CCDC60: variants seen among roughly 807,000 people sequenced by gnomAD.
CCDC60 encodes the protein coiled-coil domain containing 60.
In CCDC60, 54 loss-of-function variants were observed where a neutral mutation model predicts 63.5. The ratio of observed to expected loss-of-function variants is 0.85; its 90% CI spans 0.68 to 1.07. The LOEUF is 1.07. Among genes scored for constraint, CCDC60 ranks in the 50% least tolerant of loss-of-function variants. CCDC60 has a pLI of 0.00. For missense variants in CCDC60, 651 were observed against 684.3 expected, an observed-to-expected ratio of 0.95 and a Z score of 0.54; for synonymous variants, 206 against 238.8, an observed-to-expected ratio of 0.86 and a Z score of 1.27.
intron 1 of CCDC60, among the ~76,000 whole-genome samples, chr12:119,409,598 A>T (rs1956556494): frequency 6.6e-6 from 1 of 152,212 alleles, no homozygotes; most frequent in Admixed American, 6.5e-5. Context: ...ATGCAAAAAG[A>T]TAAATGATTT....
At chr12:119,469,304 T>G (rs1951011744) in intron 2 of CCDC60, among the ~76,000 whole-genome samples, 1 of 152,188 alleles carries the variant, frequency 6.6e-6, no homozygotes, top group Non-Finnish European at 1.5e-5. Flanking sequence ...TGGAGTGCAG[T>G]GGCGTGATCT....
chr12:119,490,470 C>T (rs1232404404), intron 5 of CCDC60, among the ~76,000 whole-genome samples: 1 of 152,136 alleles, frequency 6.6e-6, no homozygotes, highest in Non-Finnish European at 1.5e-5. Context: ...TACTTCTATC[C>T]CCATCACGGC....
chr12:119,509,119 C>G (rs1952138331), intron 7 of CCDC60, among the ~76,000 whole-genome samples: 1 of 152,118 alleles, frequency 6.6e-6, no homozygotes, highest in African/African-American at 2.4e-5. Context: ...GTGCTGTCTC[C>G]TAAAACTCCC....
At position 119,520,178 on chromosome 12, in the gene CCDC60, C is replaced by A. The variant is rs1301678060; in HGVS notation, c.1026C>A (p.Thr342=). 2 of 1,613,398 alleles carry A rather than the reference C, an allele frequency of 1.2e-6. No individual in the cohort carries two copies. The highest frequency in any genetic ancestry group is 8.5e-7 in the Non-Finnish European group (1 of 1,179,762). The change falls in exon 9 of 14, where the codon ACC becomes ACA. Residue 342 remains threonine, a synonymous_variant. Transcript: ENST00000327554. The part of the protein sequence containing the change: ...KSNSAYKEMQ[T]TLKSSERSSS... ...ATTCTGCTTATAAGGAAATGCAGAC[C>A]ACTCTCAAATCAAGGTAGGAAAGCC... is the stretch of plus-strand genomic sequence containing the variant.
chr12:119,401,411 G>A (rs762106587), intron 1 of CCDC60, among the ~76,000 whole-genome samples: 28 of 152,308 alleles, frequency 1.8e-4, no homozygotes, highest in East Asian at 3.9e-4. Context: ...CACTTGCTGC[G>A]TATCAAATCC....
chr12:119,475,811 G>A (rs967539955), intron 3 of CCDC60, among the ~76,000 whole-genome samples: 8 of 152,160 alleles, frequency 5.3e-5, no homozygotes, highest in African/African-American at 7.2e-5. Flanking sequence ...TAGAGTCTAC[G>A]TATAAGACAT....
At chr12:119,415,173 G>C (rs1450201555) in intron 1 of CCDC60, among the ~76,000 whole-genome samples, 1 of 152,196 alleles carries the variant, frequency 6.6e-6, no homozygotes, top group African/African-American at 2.4e-5. Context: ...TCTCTCCAGA[G>C]TTGTGCAGCG....
rs886727996 is a variant in CCDC60, at chr12:119,400,265, G to A, written c.91-28418G>A. 1.7e-4 allele frequency among the ~76,000 whole-genome samples: 26 copies of A among 152,274 alleles called. 1 individual carries two copies. The Middle Eastern group carries it at 0.01, about 60-fold the overall frequency. On this transcript the variant is annotated intron_variant, in intron 1 of 13. Coordinates refer to ENST00000327554, the MANE Select transcript of CCDC60 (RefSeq NM_178499.5). ...GGGGTTTCACCGTATTAGCCAGGAT[G>A]GTCTCGATCTCCTGACCTCGTGATC...
chr12:119,481,085 CCAT>C (rs1245904259), intron 4 of CCDC60, among the ~76,000 whole-genome samples: 8 of 152,084 alleles, frequency 5.3e-5, no homozygotes, highest in East Asian at 3.9e-4. Flanking sequence ...ATCATCATCA[CCAT>C]CATCATCATC....
At chr12:119,522,610 A>G (rs1952558765) in intron 9 of CCDC60, among the ~76,000 whole-genome samples, 1 of 152,218 alleles carries the variant, frequency 6.6e-6, no homozygotes, top group Non-Finnish European at 1.5e-5. Flanking sequence ...TGAGATCCAG[A>G]AAAGACGTAA....
At chr12:119,408,834 AC>A (rs67388197) in intron 1 of CCDC60, among the ~76,000 whole-genome samples, 32,157 of 150,836 alleles carry the variant, frequency 0.21, 3,470 homozygotes, top group South Asian at 0.41. Context: ...CAAAAAAAAA[AC>A]AAAGAGTAAT....
At chr12:119,489,982 G>C (rs752666115) in intron 5 of CCDC60, among the ~76,000 whole-genome samples, 16 of 152,128 alleles carry the variant, frequency 1.1e-4, no homozygotes, top group Non-Finnish European at 1.9e-4. Context: ...ATTTTTCGTA[G>C]AGACGGGGTT....
chr12:119,418,286 C>A (rs564426185), intron 1 of CCDC60, among the ~76,000 whole-genome samples: 1 of 151,600 alleles, frequency 6.6e-6, no homozygotes, highest in Non-Finnish European at 1.5e-5. Flanking sequence ...CATGTATTAC[C>A]GAAGGACATT....
chr12:119,363,890 G>A lies in CCDC60; in HGVS notation c.90+28624G>A, dbSNP rs907853155. Among the ~76,000 whole-genome samples the A allele has an allele frequency of 3.3e-5, 5 of 152,146 alleles. No homozygotes were observed. The South Asian group carries it at 1.0e-3, about 32-fold the overall frequency. ...GTGTTTGGTTGGTTGTTTGGGGTTT[G>A]GGATTTTCATTTTTTAGCACTTTAA... is the stretch of plus-strand genomic sequence containing the variant. On this transcript the variant is annotated intron_variant, in intron 1 of 13. Coordinates refer to ENST00000327554, the MANE Select transcript of CCDC60 (RefSeq NM_178499.5).
intron 1 of CCDC60, among the ~76,000 whole-genome samples, chr12:119,418,839 T>G (rs965816865): frequency 4.6e-5 from 7 of 152,224 alleles, no homozygotes; most frequent in African/African-American, 1.7e-4. Context: ...CCCCTTGGTG[T>G]CCTAGAGAAA....
At chr12:119,439,979 G>A (rs1045150898) in intron 2 of CCDC60, among the ~76,000 whole-genome samples, 9 of 151,788 alleles carry the variant, frequency 5.9e-5, no homozygotes, top group Non-Finnish European at 1.0e-4. Flanking sequence ...GCCAAACACC[G>A]CATGTTCTCA....
intron 2 of CCDC60, among the ~76,000 whole-genome samples, chr12:119,463,869 C>A (rs111850306): frequency 1.3e-5 from 2 of 152,262 alleles, no homozygotes; most frequent in African/African-American, 4.8e-5. Context: ...GGAGTAGGAC[C>A]CTGGAGTAAA....
rs77318681 is a variant in CCDC60 at position 119,456,060 on chromosome 12, A to AAAGCAAGCAAGCAAGCAAGCAAGCAAGC, written c.171-15921_171-15920insAGCAAGCAAGCAAGCAAGCAAGCAAGCA. ...GAAAGAAAGAAAGAAAGAAAGAAAG[A>AAAGCAAGCAAGCAAGCAAGCAAGCAAGC]AAGCAAGCAAGCATGTGCAATTTCA... is the stretch of plus-strand genomic sequence containing the variant. On this transcript the variant is annotated intron_variant, in intron 2 of 13. Coordinates refer to ENST00000327554, the MANE Select transcript of CCDC60 (RefSeq NM_178499.5). This position sits in a 1 kb window ranked among gnomAD's most constrained non-coding sequence, Gnocchi z 4.6. Among the ~76,000 whole-genome samples, 12 of 118,776 alleles carry AAAGCAAGCAAGCAAGCAAGCAAGCAAGC rather than the reference A, an allele frequency of 1.0e-4. 1 individual carries two copies. Among genetic ancestry groups the AAAGCAAGCAAGCAAGCAAGCAAGCAAGC allele is most frequent in the Admixed American group, 8.8e-4 (10 of 11,390 alleles). The allele number at this position is 118,776 out of a possible 152,430, so 77.9% of individuals were successfully genotyped here.
At chr12:119,479,596 G>A (rs753003924) in intron 4 of CCDC60, 22 of 188,792 alleles carry the variant, frequency 1.2e-4, no homozygotes, top group Non-Finnish European at 2.0e-4. Flanking sequence ...CTGACCTGAG[G>A]CATGAACTCA....
Sources: allele counts gnomAD v4.1 joint callset (sites outside exome capture counted in the v4.1 genomes callset), GRCh38; gene constraint gnomAD v4.1.1; non-coding constraint Gnocchi (gnomAD v3.1); transcripts MANE v1.5; gene names NCBI Gene and HGNC (gene_info 2026-07-23, HGNC 2026-07-21).